The following OSBPL6 variants were observed in gnomAD, a reference collection of about 807,000 sequenced individuals.
OSBPL6 encodes oxysterol binding protein like 6.
Under a neutral mutation model 125.8 loss-of-function variants are expected in OSBPL6, and 49 were observed. The observed-to-expected ratio is 0.39, with a 90% CI of 0.31 to 0.49. The LOEUF is 0.49. OSBPL6 is among the 20% of genes least tolerant of loss of function. The pLI, the probability that OSBPL6 is intolerant of heterozygous loss-of-function variation, is 0.88. For missense variants in OSBPL6, 986 were observed against 1,135.4 expected, an observed-to-expected ratio of 0.87 and a Z score of 1.89; for synonymous variants, 394 against 391.8, an observed-to-expected ratio of 1.01 and a Z score of -0.07.
chr2:178,394,295 CA>C lies in OSBPL6; in HGVS notation c.2574-16del. ...AAAAGAGGATAATATGTTAAAATAT[CA>C]ACTGCTTTCTGCTTAGATTTTTGGA... On this transcript the variant is annotated splice_polypyrimidine_tract_variant and intron_variant, in intron 23 of 24. Coordinates refer to ENST00000190611, the MANE Select transcript of OSBPL6 (RefSeq NM_032523.4). 6.2e-7 allele frequency: 1 copy of C among 1,605,724 alleles called. No individual in the cohort carries two copies. The highest frequency in any genetic ancestry group is 8.5e-7 in the Non-Finnish European group (1 of 1,178,108).
intron 11 of OSBPL6, among the ~76,000 whole-genome samples, chr2:178,344,530 G>A (rs1217919681): frequency 6.6e-6 from 1 of 152,144 alleles, no homozygotes; most frequent in African/African-American, 2.4e-5. Flanking sequence ...GGCAGGAGTC[G>A]AACACGGGTA....
intron 11 of OSBPL6, among the ~76,000 whole-genome samples, chr2:178,345,838 C>T (rs1282105167): frequency 1.3e-5 from 2 of 152,048 alleles, no homozygotes; most frequent in Non-Finnish European, 2.9e-5. Context: ...TTTTAAATTG[C>T]AGATACATAC....
chr2:178,287,862 A>G (rs1483747564), intron 2 of OSBPL6, among the ~76,000 whole-genome samples: 1 of 152,102 alleles, frequency 6.6e-6, no homozygotes, highest in Admixed American at 6.5e-5. Flanking sequence ...CATTTCCTTT[A>G]ACTCCCTGAG....
rs1216155305 is a variant in OSBPL6 at position 178,349,207 on chromosome 2, G to GT, written c.988-16dup. 6.2e-7 allele frequency: 1 copy of GT among 1,612,822 alleles called. No individual in the cohort carries two copies. Among genetic ancestry groups the GT allele is most frequent in the African/African-American group, 1.3e-5 (1 of 75,008 alleles). ...ATGCACTGTTGCTGTTTAATAATTTGTATCTTCCCCTTTCAGGTTCCTTTC... is the reference window on the plus strand; with the variant it reads ...ATGCACTGTTGCTGTTTAATAATTTGTTATCTTCCCCTTTCAGGTTCCTTTC... On this transcript the variant is annotated splice_polypyrimidine_tract_variant and intron_variant, in intron 11 of 24. Coordinates refer to ENST00000190611, the MANE Select transcript of OSBPL6 (RefSeq NM_032523.4).
At chr2:178,235,398 C>CTTTTTTTTTTTTTTTTTTTTTTT (rs540269327) in intron 1 of OSBPL6, among the ~76,000 whole-genome samples, 2 of 78,040 alleles carry the variant, frequency 2.6e-5, no homozygotes, top group Non-Finnish European at 4.9e-5. Context: ...CTTTTCTTTT[C>CTTTTTTTTTTTTTTTTTTTTTTT]TTTTTTTTTT....
intron 6 of OSBPL6, 123 bp from the exon 7 acceptor site, chr2:178,332,518 A>T (rs573160472): frequency 4.4e-6 from 3 of 683,592 alleles, no homozygotes; most frequent in South Asian, 4.0e-5. Flanking sequence ...TTTGTTAAGG[A>T]GGTATATGTA....
chr2:178,345,765 CTTAAGCA>C (rs1344730434), intron 11 of OSBPL6, among the ~76,000 whole-genome samples: 4 of 152,170 alleles, frequency 2.6e-5, no homozygotes. Context: ...ACACTGTTTT[CTTAAGCA>C]ATATACATCT....
intron 8 of OSBPL6, among the ~76,000 whole-genome samples, chr2:178,334,449 T>C (rs1355993917): frequency 6.6e-6 from 1 of 152,252 alleles, no homozygotes; most frequent in East Asian, 1.9e-4. Context: ...TTTGTTATTT[T>C]AATGGCAGTT....
At chr2:178,258,135 C>G (rs1004782372) in intron 1 of OSBPL6, among the ~76,000 whole-genome samples, 14 of 151,218 alleles carry the variant, frequency 9.3e-5, no homozygotes, top group Admixed American at 6.6e-4. Flanking sequence ...GAGTCTCACT[C>G]TGTCACCCAG....
Position 178,218,536 on chromosome 2 carries a change from A to G in OSBPL6, c.-351+23862A>G, listed in dbSNP as rs78016431. ...ATGGCTTTCCCCTTGTTTGCTTCTC[A>G]AACATCTCCTTACCATCTTTTCCAT... is the stretch of plus-strand genomic sequence containing the variant. On this transcript the variant is annotated intron_variant, in intron 1 of 24. Coordinates refer to ENST00000190611, the MANE Select transcript of OSBPL6 (RefSeq NM_032523.4). Among the ~76,000 whole-genome samples, 1,455 of 152,090 alleles carry G rather than the reference A, an allele frequency of 9.6e-3. 19 individuals carry two copies. Among genetic ancestry groups the G allele is most frequent in the African/African-American group, 0.034 (1,399 of 41,510 alleles).
intron 15 of OSBPL6, among the ~76,000 whole-genome samples, chr2:178,380,908 A>G (rs1694413183): frequency 6.6e-6 from 1 of 152,216 alleles, no homozygotes; most frequent in Non-Finnish European, 1.5e-5. Context: ...TTCAGTATAT[A>G]AAGATAGATG....
intron 1 of OSBPL6, among the ~76,000 whole-genome samples, chr2:178,250,016 AT>A (rs1296896891): frequency 6.6e-6 from 1 of 152,164 alleles, no homozygotes; most frequent in Non-Finnish European, 1.5e-5. Context: ...ACCTGCTAAT[AT>A]TTTACTGAGA....
chr2:178,327,758 CT>C (rs1184495572), intron 4 of OSBPL6, among the ~76,000 whole-genome samples: 2 of 152,042 alleles, frequency 1.3e-5, no homozygotes, highest in Admixed American at 1.3e-4. Context: ...GCAAGCAAAC[CT>C]CCCCGAGAGC....
chr2:178,342,465 A>G (rs1227137543), intron 11 of OSBPL6, among the ~76,000 whole-genome samples: 1 of 152,182 alleles, frequency 6.6e-6, no homozygotes, highest in African/African-American at 2.4e-5. Flanking sequence ...TGTAGGTTAG[A>G]TTGTGCTATT....
chr2:178,361,631 ATTCT>A, intron 12 of OSBPL6, 47 bp from the exon 13 acceptor site: 2 of 1,598,090 alleles, frequency 1.3e-6, no homozygotes, highest in Non-Finnish European at 1.7e-6. Flanking sequence ...AATGTTGTGT[ATTCT>A]TTCTGCACAT....
At chr2:178,320,458 A>T in intron 3 of OSBPL6, 1 of 1,533,940 alleles carries the variant, frequency 6.5e-7, no homozygotes. Context: ...CTGACCTGGA[A>T]ATTAACTTAT....
chr2:178,222,536 G>C (rs2090385706), intron 1 of OSBPL6, among the ~76,000 whole-genome samples: 1 of 152,146 alleles, frequency 6.6e-6, no homozygotes, highest in East Asian at 1.9e-4. Context: ...CCAGCTACTT[G>C]GGAGGCTGAG....
chr2:178,338,874 C>G, intron 9 of OSBPL6, 117 bp from the exon 10 acceptor site: 1 of 647,636 alleles, frequency 1.5e-6, no homozygotes, highest in Non-Finnish European at 2.6e-6. Flanking sequence ...GTATCTTCAT[C>G]ATATAAACAT....
chr2:178,378,299 C>T (rs1694077592), intron 15 of OSBPL6, among the ~76,000 whole-genome samples: 1 of 152,176 alleles, frequency 6.6e-6, no homozygotes, highest in South Asian at 2.1e-4. Context: ...TAAAACAGTT[C>T]TGGTGAGCCC....
Sources: allele counts gnomAD v4.1 joint callset (sites outside exome capture counted in the v4.1 genomes callset), GRCh38; gene constraint gnomAD v4.1.1; transcripts MANE v1.5; gene names NCBI Gene and HGNC (gene_info 2026-07-23, HGNC 2026-07-21).